The following NRG3 variants were observed in gnomAD, a reference collection of about 807,000 sequenced individuals.
NRG3 encodes the protein pro-neuregulin-3, membrane-bound isoform.
Under a neutral mutation model 66.9 loss-of-function variants are expected in NRG3, and 31 were observed. The observed-to-expected ratio is 0.46, with a 90% CI of 0.35 to 0.63. NRG3 has a LOEUF of 0.63. NRG3 is among the 20% of genes least tolerant of loss of function. The pLI, the probability that NRG3 is intolerant of heterozygous loss-of-function variation, is 0.00. For synonymous variants in NRG3, 393 were observed against 359.4 expected (o/e 1.09, Z -1.06); for missense variants, 910 against 878.9 (o/e 1.04, Z -0.45).
chr10:82,259,347 T>C (rs1410696900), intron 1 of NRG3, among the ~76,000 whole-genome samples: 1 of 152,136 alleles, frequency 6.6e-6, no homozygotes, highest in African/African-American at 2.4e-5. Context: ...CAAGTAGTCC[T>C]TGGGCCAGAG....
intron 1 of NRG3, among the ~76,000 whole-genome samples, chr10:82,093,619 A>C (rs1051492643): frequency 6.6e-6 from 1 of 152,214 alleles, no homozygotes; most frequent in East Asian, 1.9e-4. Flanking sequence ...GTCTCACAAC[A>C]ACCCACTTCT....
At chr10:82,592,847 T>A (rs1017530466) in intron 2 of NRG3, among the ~76,000 whole-genome samples, 1 of 152,208 alleles carries the variant, frequency 6.6e-6, no homozygotes, top group African/African-American at 2.4e-5. Context: ...GGACAGGGGT[T>A]TAAACCCATA....
At chr10:82,462,567 G>A (rs1322984560) in intron 2 of NRG3, among the ~76,000 whole-genome samples, 1 of 152,104 alleles carries the variant, frequency 6.6e-6, no homozygotes, top group Non-Finnish European at 1.5e-5. Context: ...GATTGAAGCT[G>A]GAGGCCCAAG....
chr10:82,059,590 A>G (rs2064025988), intron 1 of NRG3, among the ~76,000 whole-genome samples: 1 of 152,132 alleles, frequency 6.6e-6, no homozygotes, highest in Non-Finnish European at 1.5e-5. Flanking sequence ...CAAAGTGACA[A>G]TGTTCCCCAT....
intron 1 of NRG3, among the ~76,000 whole-genome samples, chr10:82,043,634 T>C (rs957400708): frequency 6.6e-6 from 1 of 152,004 alleles, no homozygotes; most frequent in South Asian, 2.1e-4. Flanking sequence ...ACACATGGAA[T>C]AACATAGGTA....
At chr10:82,788,783 A>T (rs79517443) in intron 3 of NRG3, among the ~76,000 whole-genome samples, 5,093 of 150,700 alleles carry the variant, frequency 0.034, 107 homozygotes, top group Middle Eastern at 0.13. Context: ...CAAAAAAAAA[A>T]TTTTTTTTTT....
chr10:82,601,989 G>A (rs1046365834), intron 2 of NRG3, among the ~76,000 whole-genome samples: 1 of 150,380 alleles, frequency 6.6e-6, no homozygotes, highest in Non-Finnish European at 1.5e-5. Context: ...GAGCAAAGAT[G>A]GGAGGGTTGC....
At chr10:82,895,481 A>G (rs914837591) in intron 4 of NRG3, among the ~76,000 whole-genome samples, 21 of 131,314 alleles carry the variant, frequency 1.6e-4, no homozygotes, top group African/African-American at 6.1e-4. Flanking sequence ...CAGCACAATA[A>G]CATTCTTTTT....
intron 1 of NRG3, among the ~76,000 whole-genome samples, chr10:81,961,496 CTAAT>C (rs2133279459): frequency 6.6e-6 from 1 of 152,198 alleles, no homozygotes; most frequent in Admixed American, 6.5e-5. Context: ...AACTAATGAA[CTAAT>C]GAACTAATAC....
chr10:82,599,918 G>A (rs1416123465), intron 2 of NRG3, among the ~76,000 whole-genome samples: 5 of 152,140 alleles, frequency 3.3e-5, no homozygotes, highest in African/African-American at 1.2e-4. Flanking sequence ...ATGATATTAA[G>A]CATCAGTTCC....
intron 2 of NRG3, among the ~76,000 whole-genome samples, chr10:82,623,269 A>G (rs1031037068): frequency 4.6e-5 from 7 of 152,278 alleles, no homozygotes; most frequent in African/African-American, 1.2e-4. Context: ...GGTAACAGCT[A>G]TATATCCTGC....
At chr10:82,753,451 G>A (rs1189320160) in intron 3 of NRG3, among the ~76,000 whole-genome samples, 1 of 151,832 alleles carries the variant, frequency 6.6e-6, no homozygotes, top group Admixed American at 6.6e-5. Flanking sequence ...TTTGCATTTT[G>A]TCTTTGATTA....
intron 2 of NRG3, among the ~76,000 whole-genome samples, chr10:82,397,791 G>A (rs2064481116): frequency 6.6e-6 from 1 of 152,138 alleles, no homozygotes; most frequent in South Asian, 2.1e-4. Flanking sequence ...AGAGAAAAGA[G>A]TAACTGTTGT....
chr10:82,871,025 T>A (rs1841294320), intron 4 of NRG3, among the ~76,000 whole-genome samples: 1 of 152,202 alleles, frequency 6.6e-6, no homozygotes, highest in Admixed American at 6.5e-5. Context: ...CTCTCATATG[T>A]GATCTGCTAG....
intron 1 of NRG3, among the ~76,000 whole-genome samples, chr10:81,895,353 A>G (rs1244227334): frequency 1.3e-5 from 2 of 152,114 alleles, no homozygotes. Context: ...CATTCTAATA[A>G]CAGCCCCAAA....
At chr10:82,674,904 C>T (rs2053559104) in intron 2 of NRG3, among the ~76,000 whole-genome samples, 1 of 151,860 alleles carries the variant, frequency 6.6e-6, no homozygotes, top group South Asian at 2.1e-4. Context: ...ATTATTATCT[C>T]CTCAAAGGCT....
chr10:82,683,094 G>A (rs56735095), intron 2 of NRG3, among the ~76,000 whole-genome samples: 4 of 151,598 alleles, frequency 2.6e-5, no homozygotes, highest in Non-Finnish European at 5.9e-5. Context: ...GAACAGCTGA[G>A]ACTACAGGTG....
chr10:82,291,628 A>G (rs2079754207), intron 1 of NRG3, among the ~76,000 whole-genome samples: 1 of 152,252 alleles, frequency 6.6e-6, no homozygotes, highest in Non-Finnish European at 1.5e-5. Context: ...AGTTGGACAG[A>G]ATAGAAATTC....
intron 1 of NRG3, among the ~76,000 whole-genome samples, chr10:82,010,922 C>G (rs1218606387): frequency 6.6e-6 from 1 of 152,164 alleles, no homozygotes; most frequent in East Asian, 1.9e-4. Context: ...ACATGAGACG[C>G]TTCTTAAGAT....
Sources: gnomAD v4.1 joint callset for allele counts (sites outside exome capture counted in the v4.1 genomes callset) on GRCh38, gnomAD v4.1.1 for gene constraint, MANE v1.5 for transcripts, NCBI Gene and HGNC (gene_info 2026-07-23, HGNC 2026-07-21) for gene names.